Variants in FOXP2 observed in about 807,000 individuals in gnomAD.
FOXP2 encodes the protein forkhead box P2, also known as forkhead box protein P2.
In FOXP2, 12 loss-of-function variants were observed where a neutral mutation model predicts 115.8. The observed-to-expected ratio is 0.10, with a 90% confidence interval of 0.07 to 0.17. The LOEUF is 0.17. Ranked by LOEUF, FOXP2 falls within the 10% of genes least tolerant of loss-of-function variation. FOXP2 has a pLI of 1.00. For missense variants in FOXP2, 629 were observed against 843.5 expected (o/e 0.75, Z 3.15); for synonymous variants, 328 against 297.7 (o/e 1.10, Z -1.05).
chr7:114,394,372 TAA>T (rs1052777475), intron 2 of FOXP2, among the ~76,000 whole-genome samples: 6 of 150,378 alleles, frequency 4.0e-5, no homozygotes, highest in African/African-American at 1.5e-4. Flanking sequence ...AACCGTTGAA[TAA>T]AGGGAGAAAT....
chr7:114,600,671 T>A (rs745979945), intron 3 of FOXP2, among the ~76,000 whole-genome samples: 1 of 152,218 alleles, frequency 6.6e-6, no homozygotes, highest in Non-Finnish European at 1.5e-5. Flanking sequence ...GCATTTGATG[T>A]TAGTGTTCTG....
intron 3 of FOXP2, among the ~76,000 whole-genome samples, chr7:114,542,787 G>GTT (rs1319408431): frequency 7.2e-6 from 1 of 139,688 alleles, no homozygotes; most frequent in African/African-American, 2.9e-5. Flanking sequence ...TTTTGTTTTT[G>GTT]TTTTTTGTTT....
intron 2 of FOXP2, among the ~76,000 whole-genome samples, chr7:114,299,956 A>G (rs1186606439): frequency 6.6e-6 from 1 of 152,078 alleles, no homozygotes; most frequent in African/African-American, 2.4e-5. Context: ...GTTGACATAG[A>G]TATTCCTTGC....
At chr7:114,499,295 G>A (rs1444508544) in intron 2 of FOXP2, 1 of 175,542 alleles carries the variant, frequency 5.7e-6, no homozygotes, top group African/African-American at 2.4e-5. Context: ...TTAAGTACAG[G>A]GTTATTGCTG....
At chr7:114,557,625 GA>G (rs1258291721) in intron 3 of FOXP2, among the ~76,000 whole-genome samples, 4 of 151,988 alleles carry the variant, frequency 2.6e-5, no homozygotes, top group Non-Finnish European at 5.9e-5. Flanking sequence ...TCCTACAAAT[GA>G]AAATGTACTA....
chr7:114,679,046 C>T (rs1024448315), intron 16 of FOXP2, among the ~76,000 whole-genome samples: 6 of 152,122 alleles, frequency 3.9e-5, no homozygotes, highest in South Asian at 2.1e-4. Context: ...CTCACTGCAA[C>T]CTCCACCTCC....
At chr7:114,188,902 A>G (rs1411206118) in intron 1 of FOXP2, among the ~76,000 whole-genome samples, 1 of 152,228 alleles carries the variant, frequency 6.6e-6, no homozygotes, top group Non-Finnish European at 1.5e-5. Flanking sequence ...TTTGTTTATT[A>G]ATAAACTCAC....
intron 16 of FOXP2, 176 bp downstream of exon 16, chr7:114,664,612 T>A (rs1807066614): frequency 1.4e-6 from 1 of 702,902 alleles, no homozygotes; most frequent in Non-Finnish European, 2.4e-6. Context: ...TTTAATACAT[T>A]TTTTAGATGA....
chr7:114,251,581 T>C (rs1795445477), intron 1 of FOXP2, among the ~76,000 whole-genome samples: 1 of 152,180 alleles, frequency 6.6e-6, no homozygotes, highest in African/African-American at 2.4e-5. Context: ...ACTTCACTCA[T>C]GATTTGGCTC....
chr7:114,509,763 G>T (rs927122992), intron 2 of FOXP2, among the ~76,000 whole-genome samples: 5 of 151,826 alleles, frequency 3.3e-5, no homozygotes, highest in Non-Finnish European at 7.4e-5. Flanking sequence ...AAGGCAAATG[G>T]ACAAATTCAG....
chr7:114,154,843 C>T (rs1005712764), intron 1 of FOXP2, among the ~76,000 whole-genome samples: 1 of 151,916 alleles, frequency 6.6e-6, no homozygotes, highest in Non-Finnish European at 1.5e-5. Context: ...CCATTTATAC[C>T]CTCTGAGATT....
chr7:114,202,181 A>G (rs1794085007), intron 1 of FOXP2, among the ~76,000 whole-genome samples: 1 of 152,196 alleles, frequency 6.6e-6, no homozygotes, highest in Non-Finnish European at 1.5e-5. Flanking sequence ...TTATTTGGAA[A>G]TTAAGCGATG....
At chr7:114,295,402 T>G (rs908909418) in intron 2 of FOXP2, among the ~76,000 whole-genome samples, 6 of 152,222 alleles carry the variant, frequency 3.9e-5, no homozygotes, top group African/African-American at 1.4e-4. Context: ...CTGATTGTTT[T>G]GTGGTTAAAA....
At chr7:114,400,486 A>G (rs993235615) in intron 2 of FOXP2, among the ~76,000 whole-genome samples, 12 of 152,194 alleles carry the variant, frequency 7.9e-5, no homozygotes, top group African/African-American at 2.9e-4. Context: ...AACATATTCA[A>G]TGATACTTGG....
chr7:114,292,504 A>C (rs984021344), intron 2 of FOXP2, among the ~76,000 whole-genome samples: 18 of 151,654 alleles, frequency 1.2e-4, no homozygotes, highest in African/African-American at 4.4e-4. Context: ...TTTTCTCTTT[A>C]CTCTGATATG....
chr7:114,593,741 C>G (rs374098873), intron 3 of FOXP2, among the ~76,000 whole-genome samples: 1 of 151,904 alleles, frequency 6.6e-6, no homozygotes, highest in South Asian at 2.1e-4. Context: ...TACTATAGCA[C>G]CATATTTAAT....
At chr7:114,212,451 A>T (rs1794381915) in intron 1 of FOXP2, among the ~76,000 whole-genome samples, 2 of 152,010 alleles carry the variant, frequency 1.3e-5, no homozygotes, top group South Asian at 4.2e-4. Context: ...CAGATGAAAA[A>T]ACTGGCTTTG....
intron 2 of FOXP2, among the ~76,000 whole-genome samples, chr7:114,393,751 T>C (rs1433441200): frequency 6.6e-6 from 1 of 151,874 alleles, no homozygotes; most frequent in East Asian, 1.9e-4. Context: ...GAGGGGAAGG[T>C]GAGAAATGAG....
At chr7:114,301,179 A>G (rs1452038898) in intron 2 of FOXP2, among the ~76,000 whole-genome samples, 1 of 152,122 alleles carries the variant, frequency 6.6e-6, no homozygotes, top group Non-Finnish European at 1.5e-5. Context: ...GACCATCATT[A>G]GTGCTGTTTT....
Sources: gnomAD v4.1 joint callset for allele counts (sites outside exome capture counted in the v4.1 genomes callset) on GRCh38, gnomAD v4.1.1 for gene constraint, MANE v1.5 for transcripts, NCBI Gene and HGNC (gene_info 2026-07-23, HGNC 2026-07-21) for gene names.